Variants in GOLPH3 observed in about 807,000 individuals in gnomAD.
GOLPH3 encodes the protein golgi phosphoprotein 3.
A neutral mutation model predicts 28.5 loss-of-function variants in GOLPH3; 14 were observed. That is an observed-to-expected ratio of 0.49 (90% CI 0.32 to 0.77). The LOEUF is 0.77. GOLPH3 is among the 30% of genes least tolerant of loss of function. GOLPH3 has a pLI of 0.03. For missense variants in GOLPH3, 350 were observed against 393.7 expected, an observed-to-expected ratio of 0.89 and a Z score of 0.94; for synonymous variants, 158 against 159.2, an observed-to-expected ratio of 0.99 and a Z score of 0.06.
intron 1 of GOLPH3, among the ~76,000 whole-genome samples, chr5:32,169,446 A>G (rs1417048436): frequency 6.6e-6 from 1 of 152,228 alleles, no homozygotes; most frequent in Non-Finnish European, 1.5e-5. Context: ...GGCTTAAATT[A>G]TATGTAAAAG....
chr5:32,161,437 A>C (rs1746575489), intron 1 of GOLPH3, among the ~76,000 whole-genome samples: 1 of 150,708 alleles, frequency 6.6e-6, no homozygotes, highest in Admixed American at 6.6e-5. Context: ...AAAAAAAAAA[A>C]AAAAACCAAA....
chr5:32,172,832 G>C (rs895059428), intron 1 of GOLPH3, among the ~76,000 whole-genome samples: 2 of 152,222 alleles, frequency 1.3e-5, no homozygotes, highest in African/African-American at 4.8e-5. Flanking sequence ...TTGCACTCCA[G>C]CCTGGGCAAC....
intron 1 of GOLPH3, among the ~76,000 whole-genome samples, chr5:32,164,528 G>A (rs1561684344): frequency 6.6e-6 from 1 of 151,866 alleles, no homozygotes; most frequent in Non-Finnish European, 1.5e-5. Context: ...CGAGTAGCTG[G>A]GACTACAGGA....
At chr5:32,163,293 G>T (rs1314200768) in intron 1 of GOLPH3, among the ~76,000 whole-genome samples, 2 of 152,176 alleles carry the variant, frequency 1.3e-5, no homozygotes, top group Non-Finnish European at 2.9e-5. Context: ...CTCAGAAGAG[G>T]CAGGCAGGAT....
chr5:32,147,502 T>C (rs1746205232), intron 1 of GOLPH3, among the ~76,000 whole-genome samples: 1 of 151,662 alleles, frequency 6.6e-6, no homozygotes, highest in South Asian at 2.1e-4. Flanking sequence ...TATTATGAAA[T>C]CGTGTGTGTG....
intron 1 of GOLPH3, among the ~76,000 whole-genome samples, chr5:32,153,433 AC>A (rs1049293525): frequency 6.6e-6 from 1 of 151,736 alleles, no homozygotes; most frequent in Non-Finnish European, 1.5e-5. Flanking sequence ...AAAAAAAAAA[AC>A]TCCTGAAGAA....
intron 2 of GOLPH3, among the ~76,000 whole-genome samples, chr5:32,143,505 T>A (rs1746127504): frequency 6.6e-6 from 1 of 151,944 alleles, no homozygotes; most frequent in African/African-American, 2.4e-5. Context: ...AAGCTGCAAA[T>A]GAAGTCTAGA....
At position 32,143,755 on chromosome 5, in the gene GOLPH3, T is replaced by G; in HGVS notation, c.351A>C (p.Thr117=). The G allele has an allele frequency of 6.2e-7, 1 of 1,608,270 alleles. No individual in the cohort carries two copies. Residue 117 remains threonine (T), a synonymous_variant, in exon 2 of 4, where the codon ACA becomes ACC. Coordinates refer to ENST00000265070, the MANE Select transcript of GOLPH3 (RefSeq NM_022130.4). ...TACTCAGCACTCCTCTTACCTTTCT[T>G]GTTAATAGACTTTTACGTCTCATTC... ...ACGMRRKSLL[T]RKVICKSDAP...
intron 1 of GOLPH3, among the ~76,000 whole-genome samples, chr5:32,149,859 T>C (rs1451397596): frequency 1.3e-5 from 2 of 151,826 alleles, no homozygotes; most frequent in African/African-American, 2.4e-5. Context: ...TAGCCAGGTG[T>C]GGTGGCTCAT....
intron 1 of GOLPH3, among the ~76,000 whole-genome samples, chr5:32,146,162 C>T (rs1425861433): frequency 1.3e-5 from 2 of 151,834 alleles, no homozygotes; most frequent in Non-Finnish European, 2.9e-5. Flanking sequence ...TGGTGGCACC[C>T]GTCTGTGGTC....
chr5:32,153,847 C>A (rs1007443721), intron 1 of GOLPH3, among the ~76,000 whole-genome samples: 1 of 152,146 alleles, frequency 6.6e-6, no homozygotes, highest in African/African-American at 2.4e-5. Context: ...CTCAGTAACA[C>A]TGAGTACACC....
intron 1 of GOLPH3, among the ~76,000 whole-genome samples, chr5:32,164,406 T>G (rs954659847): frequency 2.6e-5 from 4 of 152,032 alleles, no homozygotes; most frequent in African/African-American, 9.7e-5. Flanking sequence ...TTCTTTTTTT[T>G]TTTTTGAGAC....
chr5:32,134,400 G>T (rs1279908317), intron 3 of GOLPH3, among the ~76,000 whole-genome samples: 1 of 151,846 alleles, frequency 6.6e-6, no homozygotes, highest in African/African-American at 2.4e-5. Flanking sequence ...GTAGAAACAG[G>T]GTTTCACCAG....
rs757217056 is a variant in GOLPH3, at chr5:32,125,162, A to AT, written c.*1049dup. The AT allele has an allele frequency of 6.6e-6, 1 of 152,556 alleles. No homozygotes were observed. The highest frequency in any genetic ancestry group is 1.5e-5 in the Non-Finnish European group (1 of 68,018). The allele number at this position is 152,556 out of a possible 1,614,324, so 9.5% of individuals were successfully genotyped here. On this transcript the variant is annotated 3_prime_UTR_variant, in exon 4 of 4. Transcript: ENST00000265070. Reference sequence around the variant, plus strand: ...CAACATCTGCTAGGACTGACATTTGATTTTTTTCCCCAAGAATGTGTGAGT... The same window carrying AT: ...CAACATCTGCTAGGACTGACATTTGATTTTTTTTCCCCAAGAATGTGTGAGT...
intron 1 of GOLPH3, among the ~76,000 whole-genome samples, chr5:32,160,413 T>TA (rs1746546867): frequency 6.6e-6 from 1 of 152,102 alleles, no homozygotes; most frequent in Non-Finnish European, 1.5e-5. Flanking sequence ...TTTAACTCAA[T>TA]AAACTCTACT....
chr5:32,167,461 C>A (rs1366187946), intron 1 of GOLPH3, among the ~76,000 whole-genome samples: 1 of 152,002 alleles, frequency 6.6e-6, no homozygotes, highest in East Asian at 1.9e-4. Flanking sequence ...TGTGAGCCAC[C>A]GCACCCAGCC....
At chr5:32,153,177 C>G (rs1746349022) in intron 1 of GOLPH3, among the ~76,000 whole-genome samples, 2 of 152,090 alleles carry the variant, frequency 1.3e-5, no homozygotes, top group Non-Finnish European at 2.9e-5. Context: ...TGATAGAGAA[C>G]AATCTTTAGA....
At chr5:32,143,318 G>A (rs937389490) in intron 2 of GOLPH3, among the ~76,000 whole-genome samples, 11 of 151,536 alleles carry the variant, frequency 7.3e-5, no homozygotes, top group Non-Finnish European at 1.2e-4. Flanking sequence ...CACTGCGGAA[G>A]GCCGCAGGGT....
In GOLPH3 at chr5:32,173,928, C is replaced by A; in HGVS notation, c.107G>T (p.Ser36Ile). Reference sequence around the variant, plus strand: ...GCGGCGGCTCTGCGCGTCGTCCTCGCTGCTGCCGGCGCCGCCGCCCGCCGC... The same window carrying A: ...GCGGCGGCTCTGCGCGTCGTCCTCGATGCTGCCGGCGCCGCCGCCCGCCGC... The part of the protein sequence containing the change: ...ERAAGGGAGS[S>I]EDDAQSRRDE... Residue 36 changes from serine to isoleucine, a missense_variant, in exon 1 of 4, where the codon AGC (serine) becomes ATC (isoleucine). Ser to Ile is a moderately radical substitution (Grantham distance 142). Coordinates refer to ENST00000265070, the MANE Select transcript of GOLPH3 (RefSeq NM_022130.4). 6.7e-7 allele frequency: 1 copy of A among 1,492,968 alleles called. No individual in the cohort carries two copies. 92.5% of individuals were successfully genotyped at this position (1,492,968 alleles called of 1,614,324 possible).
Sources: allele counts gnomAD v4.1 joint callset (sites outside exome capture counted in the v4.1 genomes callset), GRCh38; gene constraint gnomAD v4.1.1; transcripts MANE v1.5; gene names NCBI Gene and HGNC (gene_info 2026-07-23, HGNC 2026-07-21).